Variants in SLC15A1 observed in about 807,000 individuals in gnomAD.
SLC15A1 encodes Caco-2 oligopeptide transporter.
In SLC15A1, 83 loss-of-function variants were observed where a neutral mutation model predicts 92.9. The observed-to-expected ratio is 0.89, with a 90% CI of 0.75 to 1.07. SLC15A1 has a LOEUF of 1.07. Ranked by LOEUF, SLC15A1 falls within the 50% of genes least tolerant of loss-of-function variation. The pLI is 0.00. For synonymous variants in SLC15A1, 322 were observed against 318.2 expected (o/e 1.01, Z -0.13); for missense variants, 857 against 880.1 (o/e 0.97, Z 0.33).
intron 22 of SLC15A1, 21 bp downstream of exon 22, chr13:98,686,169 A>AT: frequency 6.4e-7 from 1 of 1,559,116 alleles, no homozygotes; most frequent in Non-Finnish European, 8.8e-7. Context: ...GGTATGTGCA[A>AT]TCTCCTCTCC....
chr13:98,702,659 T>C, intron 17 of SLC15A1, 130 bp from the exon 18 acceptor site: 1 of 756,676 alleles, frequency 1.3e-6, no homozygotes, highest in Non-Finnish European at 2.2e-6. Context: ...ATGGTTACAT[T>C]AGAAGGGCTC....
At chr13:98,740,568 C>T (rs533180280) in intron 1 of SLC15A1, among the ~76,000 whole-genome samples, 67 of 152,256 alleles carry the variant, frequency 4.4e-4, no homozygotes, top group Middle Eastern at 3.4e-3. Flanking sequence ...CCTCGGCTTC[C>T]CAAATCCTCT....
intron 1 of SLC15A1, among the ~76,000 whole-genome samples, chr13:98,737,116 G>C (rs1441805780): frequency 6.6e-6 from 1 of 152,202 alleles, no homozygotes; most frequent in Admixed American, 6.5e-5. Context: ...ATGATAGACT[G>C]GATTAAGAAA....
intron 1 of SLC15A1, among the ~76,000 whole-genome samples, chr13:98,751,101 C>T (rs2088542295): frequency 6.7e-6 from 1 of 148,754 alleles, no homozygotes; most frequent in Non-Finnish European, 1.5e-5. Context: ...TTCCCCATAA[C>T]AACCATTAAA....
chr13:98,723,815 T>C (rs2088277769), intron 5 of SLC15A1, 97 bp downstream of exon 5: 8 of 1,548,846 alleles, frequency 5.2e-6, no homozygotes, highest in Admixed American at 3.6e-5. Context: ...AACCTCCTTA[T>C]GCTCTCAGTG....
chr13:98,730,424 C>T (rs1252006428), intron 1 of SLC15A1, among the ~76,000 whole-genome samples: 1 of 152,208 alleles, frequency 6.6e-6, no homozygotes, highest in Non-Finnish European at 1.5e-5. Context: ...TTCCTCCGCA[C>T]GAATAACCTG....
intron 1 of SLC15A1, among the ~76,000 whole-genome samples, chr13:98,730,677 G>A (rs2088343731): frequency 1.3e-5 from 2 of 152,258 alleles, no homozygotes; most frequent in Admixed American, 1.3e-4. Flanking sequence ...CGGGGGAGAC[G>A]CGACTGCCTC....
rs547510357 is a variant in SLC15A1 at position 98,731,234 on chromosome 13, G to A, written c.5-4375C>T. Among the ~76,000 whole-genome samples, 294 of 152,326 alleles carry A rather than the reference G, an allele frequency of 1.9e-3. 4 individuals carry two copies. Among genetic ancestry groups the A allele is most frequent in the African/African-American group, 6.9e-3 (287 of 41,576 alleles). On this transcript the variant is annotated intron_variant, in intron 1 of 22. Transcript: ENST00000376503. ...TGAGCATGGCCTCTGTGTCCTGGGA[G>A]GTCCGTGGTGAGGCAGCGCACCTGC...
intron 1 of SLC15A1, among the ~76,000 whole-genome samples, chr13:98,738,665 C>T (rs1316819227): frequency 2.0e-5 from 3 of 152,252 alleles, no homozygotes; most frequent in South Asian, 2.1e-4. Flanking sequence ...GGAGTCTCTG[C>T]ATAGATTTCA....
At chr13:98,752,405 C>T (rs1164859538) in intron 1 of SLC15A1, among the ~76,000 whole-genome samples, 190 bp downstream of exon 1, 1 of 152,154 alleles carries the variant, frequency 6.6e-6, no homozygotes, top group Non-Finnish European at 1.5e-5. Flanking sequence ...GGCTTCCGCG[C>T]CCCGGCCGCA....
chr13:98,739,783 C>G (rs1170852625), intron 1 of SLC15A1, among the ~76,000 whole-genome samples: 2 of 152,202 alleles, frequency 1.3e-5, no homozygotes, highest in Non-Finnish European at 2.9e-5. Flanking sequence ...CAATCTACCA[C>G]TTTCTCTGAA....
Position 98,708,711 on chromosome 13 carries a change from G to C in SLC15A1, c.1124C>G (p.Ala375Gly), listed in dbSNP as rs1165283665. 1.2e-6 allele frequency: 2 copies of C among 1,613,430 alleles called. No homozygotes were observed. Among genetic ancestry groups the C allele is most frequent in the Non-Finnish European group, 1.7e-6 (2 of 1,179,770 alleles). ...MVLASMAFVV[A>G]AIVQVEIDKT... is the part of the protein sequence containing the mutation. ...ATCGATTTCCACCTGCACGATGGCA[G>C]CCACCACAAAGGCCATGGAGGCCAG... Residue 375 changes from alanine to glycine, a missense_variant, in exon 15 of 23, where the codon GCT becomes GGT. By Grantham distance (60) the Ala-to-Gly change is moderately conservative. Transcript: ENST00000376503.
chr13:98,746,716 T>C (rs945615217), intron 1 of SLC15A1, among the ~76,000 whole-genome samples: 13 of 152,208 alleles, frequency 8.5e-5, no homozygotes, highest in African/African-American at 2.2e-4. Flanking sequence ...GTTAATCTGA[T>C]CTCTGAACCA....
rs2139575023 is a variant in SLC15A1, at chr13:98,704,372, A to AAGAACAG, written c.1332_1333insCTGTTCT (p.Ser445LeufsTer10). ...TCGTCAGTTACAGCAGTGACTGGTG[A>AAGAACAG]TCCAGGAGAAGAAATGTTTATCCTT... is the stretch of plus-strand genomic sequence containing the variant. On this transcript the variant is annotated frameshift_variant, in exon 17 of 23. Coordinates refer to ENST00000376503, the MANE Select transcript of SLC15A1 (RefSeq NM_005073.4). LOFTEE classifies it high-confidence loss of function. 6.2e-7 allele frequency: 1 copy of AAGAACAG among 1,614,040 alleles called. No individual in the cohort carries two copies. Among genetic ancestry groups the AAGAACAG allele is most frequent in the East Asian group, 2.2e-5 (1 of 44,866 alleles).
chr13:98,711,913 T>TA lies in SLC15A1; in HGVS notation c.840dup (p.Thr281TyrfsTer18). The TA allele has an allele frequency of 6.2e-7, 1 of 1,613,104 alleles. No individual in the cohort carries two copies. Among genetic ancestry groups the TA allele is most frequent in the Non-Finnish European group, 8.5e-7 (1 of 1,179,934 alleles). On this transcript the variant is annotated frameshift_variant, in exon 11 of 23. Coordinates refer to ENST00000376503, the MANE Select transcript of SLC15A1 (RefSeq NM_005073.4). LOFTEE classifies it high-confidence loss of function. The stretch of plus-strand genomic sequence containing the variant: ...GGAATATACAGGAACATCACCCTCG[T>TA]AACCATCTTAATTTGGGAGATGAGC...
chr13:98,732,062 A>G (rs1278689809), intron 1 of SLC15A1, among the ~76,000 whole-genome samples: 1 of 152,230 alleles, frequency 6.6e-6, no homozygotes, highest in Non-Finnish European at 1.5e-5. Flanking sequence ...TACCTGTGTC[A>G]ACAGGATTGC....
intron 18 of SLC15A1, among the ~76,000 whole-genome samples, chr13:98,701,336 T>A (rs1400624620): frequency 2.0e-5 from 3 of 152,196 alleles, no homozygotes; most frequent in Admixed American, 1.3e-4. Context: ...ATTCCAACTC[T>A]TCATTGCTAG....
chr13:98,745,958 G>T (rs1020568545), intron 1 of SLC15A1, among the ~76,000 whole-genome samples: 1 of 152,088 alleles, frequency 6.6e-6, no homozygotes, highest in Non-Finnish European at 1.5e-5. Context: ...TTGATGCTCA[G>T]ATTATTTTTC....
intron 14 of SLC15A1, 102 bp from the exon 15 acceptor site, chr13:98,708,869 A>C (rs1473487918): frequency 1.1e-5 from 8 of 719,044 alleles, no homozygotes; most frequent in Non-Finnish European, 4.2e-6. Flanking sequence ...AATTCCTTCC[A>C]AAAACATGGG....
Sources: allele counts gnomAD v4.1 joint callset (sites outside exome capture counted in the v4.1 genomes callset), GRCh38; gene constraint gnomAD v4.1.1; transcripts MANE v1.5; gene names NCBI Gene and HGNC (gene_info 2026-07-23, HGNC 2026-07-21).